The following FRAS1 variants were observed in gnomAD, a reference collection of about 807,000 sequenced individuals.
FRAS1 encodes the protein extracellular matrix organizing protein FRAS1.
In FRAS1, 290 loss-of-function variants were observed where a neutral mutation model predicts 435.2. The ratio of observed to expected loss-of-function variants is 0.67; its 90% confidence interval spans 0.61 to 0.73. The LOEUF is 0.73. Among genes scored for constraint, FRAS1 ranks in the 30% least tolerant of loss-of-function variants. The probability of loss-of-function intolerance (pLI) is 0.00; values close to 1 mark genes in which losing one functional copy is unlikely to be tolerated. For synonymous variants in FRAS1, 1,800 were observed against 1,851.0 expected (o/e 0.97, Z 0.71); for missense variants, 4,860 against 5,001.5 (o/e 0.97, Z 0.85).
intron 2 of FRAS1, chr4:78,071,079 G>A (rs1740327532): frequency 1.3e-5 from 2 of 152,202 alleles, no homozygotes; most frequent in African/African-American, 4.8e-5. Context: ...GCTGAGAAAT[G>A]CTGACAAAGT....
At chr4:78,290,803 CT>C (rs56771542) in intron 14 of FRAS1, among the ~76,000 whole-genome samples, 67,044 of 121,516 alleles carry the variant, frequency 0.55, 18,776 homozygotes, top group Non-Finnish European at 0.62. Flanking sequence ...TATTTATTGC[CT>C]TTTTTTTTTT....
intron 2 of FRAS1, chr4:78,071,787 G>A (rs1419088545): frequency 4.0e-5 from 6 of 149,672 alleles, no homozygotes; most frequent in Non-Finnish European, 7.4e-5. Flanking sequence ...ATATTGGACA[G>A]TGCAACATTA....
chr4:78,505,530 G>A (rs529391848), intron 61 of FRAS1, among the ~76,000 whole-genome samples: 2 of 152,102 alleles, frequency 1.3e-5, no homozygotes, highest in African/African-American at 4.8e-5. Context: ...GCCTATTGAA[G>A]CTTGTGCATG....
Position 78,236,314 on chromosome 4 carries a change from TGGC to T in FRAS1, c.109-1195_109-1193del. Among the ~76,000 whole-genome samples, 4 of 152,004 alleles carry T rather than the reference TGGC, an allele frequency of 2.6e-5. No individual in the cohort carries two copies. In the East Asian group the frequency reaches 5.8e-4, roughly 22 times the overall value. The stretch of plus-strand genomic sequence containing the variant: ...TTTATTTATTTATTTATTTATTTTT[TGGC>T]TTTGAGGTTTTTTTAAAATTTTTTA... On this transcript the variant is annotated intron_variant, in intron 2 of 73. Coordinates refer to ENST00000512123, the MANE Select transcript of FRAS1 (RefSeq NM_025074.7).
intron 2 of FRAS1, among the ~76,000 whole-genome samples, chr4:78,170,474 C>T (rs1331345651): frequency 6.6e-6 from 1 of 152,078 alleles, no homozygotes; most frequent in East Asian, 1.9e-4. Flanking sequence ...TGTAAAATGG[C>T]TAATTATTTT....
intron 31 of FRAS1, among the ~76,000 whole-genome samples, chr4:78,410,946 A>C (rs1308934073): frequency 6.6e-6 from 1 of 152,198 alleles, no homozygotes; most frequent in African/African-American, 2.4e-5. Context: ...TGAGATAGAC[A>C]CTAGAGCTAG....
At chr4:78,284,837 A>G (rs1254288815) in intron 13 of FRAS1, among the ~76,000 whole-genome samples, 1 of 152,124 alleles carries the variant, frequency 6.6e-6, no homozygotes, top group Non-Finnish European at 1.5e-5. Flanking sequence ...AAATATTTTT[A>G]TTTTTGAAGA....
intron 4 of FRAS1, among the ~76,000 whole-genome samples, chr4:78,247,856 T>C (rs148287398): frequency 1.4e-3 from 211 of 152,220 alleles, no homozygotes; most frequent in African/African-American, 4.8e-3. Context: ...TGATCTGAAG[T>C]GGAAGCTTTC....
At chr4:78,059,828 A>C (rs1424898622) in intron 1 of FRAS1, among the ~76,000 whole-genome samples, 1 of 126,002 alleles carries the variant, frequency 7.9e-6, no homozygotes, top group Non-Finnish European at 1.6e-5. Context: ...GAAGTGCGGA[A>C]TCTAGACTGG....
chr4:78,354,769 A>C (rs1730785823), intron 20 of FRAS1, among the ~76,000 whole-genome samples: 1 of 152,218 alleles, frequency 6.6e-6, no homozygotes, highest in Admixed American at 6.5e-5. Flanking sequence ...TTTATAGGTC[A>C]TTATTTATCA....
At chr4:78,165,031 A>C (rs1721280058) in intron 2 of FRAS1, among the ~76,000 whole-genome samples, 1 of 152,212 alleles carries the variant, frequency 6.6e-6, no homozygotes, top group African/African-American at 2.4e-5. Flanking sequence ...TAAAAAGATA[A>C]ATTTAGAATG....
At chr4:78,524,857 G>T (rs1485908855) in intron 69 of FRAS1, among the ~76,000 whole-genome samples, 1 of 152,192 alleles carries the variant, frequency 6.6e-6, no homozygotes, top group Non-Finnish European at 1.5e-5. Context: ...ATGGAGCAGG[G>T]TAAGGGGAGA....
intron 2 of FRAS1, among the ~76,000 whole-genome samples, chr4:78,069,124 A>G (rs1460066593): frequency 2.0e-5 from 3 of 152,188 alleles, no homozygotes; most frequent in Non-Finnish European, 2.9e-5. Context: ...CCTGTTCCAA[A>G]CTTTGTAATT....
chr4:78,098,563 C>T (rs1475732637), intron 2 of FRAS1, among the ~76,000 whole-genome samples: 1 of 152,146 alleles, frequency 6.6e-6, no homozygotes, highest in African/African-American at 2.4e-5. Context: ...GCGTGAACCA[C>T]CGCTCCTGGC....
chr4:78,523,936 A>T (rs1304526539), intron 69 of FRAS1, among the ~76,000 whole-genome samples: 1 of 152,072 alleles, frequency 6.6e-6, no homozygotes, highest in East Asian at 1.9e-4. Flanking sequence ...CCACCAGCCC[A>T]TCCATACCTC....
At chr4:78,323,340 T>C (rs1458602459) in intron 18 of FRAS1, among the ~76,000 whole-genome samples, 1 of 152,178 alleles carries the variant, frequency 6.6e-6, no homozygotes, top group African/African-American at 2.4e-5. Flanking sequence ...TTGTAGTAAT[T>C]TCATCAAGTT....
At chr4:78,182,101 A>G in intron 2 of FRAS1, 1 of 1,385,456 alleles carries the variant, frequency 7.2e-7, no homozygotes, top group South Asian at 1.5e-5. Context: ...GCGCCGAGCC[A>G]AGAGCGCCTG....
At chr4:78,121,278 G>A (rs547606619) in intron 2 of FRAS1, among the ~76,000 whole-genome samples, 33 of 152,296 alleles carry the variant, frequency 2.2e-4, no homozygotes, top group Non-Finnish European at 4.4e-4. Flanking sequence ...AGTAAAACAA[G>A]TTTCTTTGAA....
At chr4:78,521,686 T>C in intron 68 of FRAS1, 56 bp downstream of exon 68, 2 of 1,072,334 alleles carry the variant, frequency 1.9e-6, no homozygotes, top group South Asian at 1.4e-5. Flanking sequence ...ATTTCACACA[T>C]ACAGAAAGTT....
Sources: allele counts gnomAD v4.1 joint callset (sites outside exome capture counted in the v4.1 genomes callset), GRCh38; gene constraint gnomAD v4.1.1; transcripts MANE v1.5; gene names NCBI Gene and HGNC (gene_info 2026-07-23, HGNC 2026-07-21).